The following THSD4 variants were observed in gnomAD, a reference collection of about 807,000 sequenced individuals.
The protein encoded by THSD4 is thrombospondin type-1 domain-containing protein 4.
In THSD4, 69 loss-of-function variants were observed where a neutral mutation model predicts 119.0. The ratio of observed to expected loss-of-function variants is 0.58; its 90% confidence interval spans 0.48 to 0.71. The LOEUF (loss-of-function observed/expected upper bound fraction) is 0.71. Among genes scored for constraint, THSD4 ranks in the 30% least tolerant of loss-of-function variants. The pLI, the probability that THSD4 is intolerant of heterozygous loss-of-function variation, is 0.00. For synonymous variants in THSD4, 524 were observed against 540.4 expected, an observed-to-expected ratio of 0.97 and a Z score of 0.42; for missense variants, 1,393 against 1,391.1, an observed-to-expected ratio of 1.00 and a Z score of -0.02.
intron 8 of THSD4, among the ~76,000 whole-genome samples, chr15:71,681,044 G>C (rs1337408743): frequency 6.6e-6 from 1 of 150,824 alleles, no homozygotes; most frequent in Non-Finnish European, 1.5e-5. Context: ...CCAGCCTCCT[G>C]AGTAGCTGGA....
At position 71,574,954 on chromosome 15, in the gene THSD4, T is replaced by C. The variant is rs113862281; in HGVS notation, c.1153-85576T>C. Reference sequence around the variant, plus strand: ...GAAGCTGCATACCTGGACCACAGCATTATAGTCTTCTGTGGAATTACCTTT... The same window carrying C: ...GAAGCTGCATACCTGGACCACAGCACTATAGTCTTCTGTGGAATTACCTTT... On this transcript the variant is annotated intron_variant, in intron 7 of 17. Coordinates refer to ENST00000261862, the MANE Select transcript of THSD4 (RefSeq NM_024817.3). Among the ~76,000 whole-genome samples, 1,413 of 152,278 alleles carry C rather than the reference T, an allele frequency of 9.3e-3. 37 individuals are homozygous for C. The highest frequency in any genetic ancestry group is 0.052 in the South Asian group (250 of 4,814).
intron 1 of THSD4, among the ~76,000 whole-genome samples, chr15:71,118,721 A>T (rs756339737): frequency 3.0e-4 from 46 of 152,202 alleles, no homozygotes; most frequent in Non-Finnish European, 5.9e-4. Context: ...GCAGATATAA[A>T]GGTTTCATGT....
At chr15:71,598,029 T>G (rs1038323161) in intron 7 of THSD4, among the ~76,000 whole-genome samples, 5 of 152,036 alleles carry the variant, frequency 3.3e-5, no homozygotes, top group African/African-American at 1.2e-4. Context: ...GCCTTCAAGG[T>G]GCTCCCAGGC....
At chr15:71,527,139 A>G (rs2048533498) in intron 7 of THSD4, among the ~76,000 whole-genome samples, 1 of 152,092 alleles carries the variant, frequency 6.6e-6, no homozygotes, top group Admixed American at 6.5e-5. Context: ...GCCTTTCACC[A>G]TGTAAGGACA....
intron 6 of THSD4, chr15:71,341,362 G>C: frequency 6.2e-7 from 1 of 1,610,456 alleles, no homozygotes; most frequent in Non-Finnish European, 8.5e-7. Context: ...TGTTCACTTG[G>C]ATATGCTCAA....
chr15:71,421,331 AGT>A (rs879710214), intron 7 of THSD4, among the ~76,000 whole-genome samples: 17,783 of 88,054 alleles, frequency 0.2, 2,907 homozygotes, highest in Admixed American at 0.25. Context: ...TACTCCCTTT[AGT>A]ATTTCTTGTA....
At chr15:71,256,788 T>C (rs1404704740) in intron 6 of THSD4, 73 bp downstream of exon 6, 2 of 1,401,896 alleles carry the variant, frequency 1.4e-6, no homozygotes, top group African/African-American at 2.9e-5. Context: ...TTCTGATTGA[T>C]GTTGGAGGTA....
rs560809742 is a variant in THSD4 at position 71,192,943 on chromosome 15, G to A, written c.100-22092G>A. Reference sequence around the variant, plus strand: ...TCATGGGAATCGTTTTTCTTCCTACGTTTCTGTTTTTAAAGTTTGCATAAA... The same window carrying A: ...TCATGGGAATCGTTTTTCTTCCTACATTTCTGTTTTTAAAGTTTGCATAAA... On this transcript the variant is annotated intron_variant, in intron 3 of 17. Transcript: ENST00000261862. 6.6e-5 allele frequency among the ~76,000 whole-genome samples: 10 copies of A among 152,184 alleles called. No homozygotes were observed. In the South Asian group the frequency reaches 1.5e-3, roughly 22 times the overall value.
intron 8 of THSD4, among the ~76,000 whole-genome samples, chr15:71,686,311 G>T (rs1263544895): frequency 6.6e-6 from 1 of 152,206 alleles, no homozygotes; most frequent in Non-Finnish European, 1.5e-5. Flanking sequence ...CATTTGTGCT[G>T]TTAATACCTG....
At chr15:71,400,851 C>T (rs969997853) in intron 6 of THSD4, among the ~76,000 whole-genome samples, 29 of 151,374 alleles carry the variant, frequency 1.9e-4, no homozygotes, top group Non-Finnish European at 3.8e-4. Context: ...AAAAAAAGAA[C>T]TTGAGCCTGG....
rs773133231 is a variant in THSD4, at chr15:71,748,401, G to A, written c.2242-20G>A. 127 of 1,613,314 alleles carry A rather than the reference G, an allele frequency of 7.9e-5. No homozygotes were observed. Among genetic ancestry groups the A allele is most frequent in the Admixed American group, 1.5e-4 (9 of 59,992 alleles). Reference sequence around the variant, plus strand: ...AGCTGAAGCTGCTGGTTCCCCTGACGTCAGTGTGCTGTGTTTCAGTGCTCG... The same window carrying A: ...AGCTGAAGCTGCTGGTTCCCCTGACATCAGTGTGCTGTGTTTCAGTGCTCG... On this transcript the variant is annotated intron_variant, in intron 13 of 17. Transcript: ENST00000261862.
intron 6 of THSD4, among the ~76,000 whole-genome samples, chr15:71,283,813 G>T (rs2044683820): frequency 6.6e-6 from 1 of 152,156 alleles, no homozygotes; most frequent in Non-Finnish European, 1.5e-5. Flanking sequence ...AGGTATCGTT[G>T]ACAGTGGGCT....
At chr15:71,244,205 A>C (rs2044179648) in intron 5 of THSD4, among the ~76,000 whole-genome samples, 2 of 152,212 alleles carry the variant, frequency 1.3e-5, no homozygotes, top group Non-Finnish European at 2.9e-5. Context: ...ACAGCTAGTG[A>C]GTAGTAGAAC....
chr15:71,423,003 C>T (rs1375713140), intron 7 of THSD4, among the ~76,000 whole-genome samples: 4 of 152,154 alleles, frequency 2.6e-5, no homozygotes, highest in African/African-American at 4.8e-5. Flanking sequence ...GCCAGGCTGT[C>T]GCTGATGTTC....
At position 71,736,185 on chromosome 15, in the gene THSD4, GTC is replaced by G. The variant is rs2053099741; in HGVS notation, c.1631-1539_1631-1538del. On this transcript the variant is annotated intron_variant, in intron 10 of 17. Transcript: ENST00000261862. ...TCTGTCTCTGTCTCTCTCACACTCT[GTC>G]TCTCTCTTGCTCTCTGTCTCTCTGT... Among the ~76,000 whole-genome samples the G allele has an allele frequency of 8.1e-5, 10 of 124,118 alleles. No individual in the cohort carries two copies. The South Asian group carries it at 2.5e-3, about 30-fold the overall frequency. 81.4% of individuals were successfully genotyped at this position (124,118 alleles called of 152,430 possible).
At chr15:71,408,217 C>T (rs995361902) in intron 6 of THSD4, among the ~76,000 whole-genome samples, 1 of 151,696 alleles carries the variant, frequency 6.6e-6, no homozygotes, top group Non-Finnish European at 1.5e-5. Context: ...TAATTTGAAA[C>T]CCTTCAAAGG....
chr15:71,740,458 C>T (rs564029880), intron 11 of THSD4, among the ~76,000 whole-genome samples: 2 of 152,300 alleles, frequency 1.3e-5, no homozygotes, highest in Admixed American at 1.3e-4. Flanking sequence ...TGAAAGCTGT[C>T]ACTGCGTGGT....
chr15:71,269,619 T>G (rs570992522), intron 6 of THSD4, among the ~76,000 whole-genome samples: 14 of 152,134 alleles, frequency 9.2e-5, no homozygotes, highest in African/African-American at 3.1e-4. Context: ...GCAAGAGAAA[T>G]AAATAAATGG....
chr15:71,268,839 AT>A (rs2140301370), intron 6 of THSD4, among the ~76,000 whole-genome samples: 1 of 152,322 alleles, frequency 6.6e-6, no homozygotes, highest in South Asian at 2.1e-4. Flanking sequence ...AAACACCTCT[AT>A]GCAAATAAAC....
Sources: gnomAD v4.1 joint callset for allele counts (sites outside exome capture counted in the v4.1 genomes callset) on GRCh38, gnomAD v4.1.1 for gene constraint, MANE v1.5 for transcripts, NCBI Gene and HGNC (gene_info 2026-07-23, HGNC 2026-07-21) for gene names.